Variants in PDLIM5 observed in about 807,000 individuals in gnomAD.
PDLIM5 encodes PDZ and LIM domain protein 5.
A neutral mutation model predicts 64.2 loss-of-function variants in PDLIM5; 34 were observed. The observed-to-expected ratio is 0.53, with a 90% CI of 0.40 to 0.71. PDLIM5 has a LOEUF of 0.71. Among genes scored for constraint, PDLIM5 ranks in the 30% least tolerant of loss-of-function variants. The pLI is 0.00. For missense variants in PDLIM5, 683 were observed against 733.6 expected (o/e 0.93, Z 0.80); for synonymous variants, 253 against 269.1 (o/e 0.94, Z 0.59).
At chr4:94,464,503 G>A (rs1320339712) in intron 2 of PDLIM5, among the ~76,000 whole-genome samples, 3 of 152,206 alleles carry the variant, frequency 2.0e-5, no homozygotes, top group African/African-American at 7.2e-5. Flanking sequence ...TGTTCTGAAA[G>A]TATGTTTGTT....
At chr4:94,559,481 T>G (rs971683281) in intron 3 of PDLIM5, among the ~76,000 whole-genome samples, 1 of 152,204 alleles carries the variant, frequency 6.6e-6, no homozygotes, top group Non-Finnish European at 1.5e-5. Flanking sequence ...CTTGTTTTCA[T>G]TGGAACACTA....
chr4:94,611,203 A>C, intron 7 of PDLIM5: 1 of 1,533,774 alleles, frequency 6.5e-7, no homozygotes, highest in South Asian at 1.2e-5. Context: ...AAAACAAGGT[A>C]CTGTGGGAGC....
chr4:94,586,482 T>G, intron 7 of PDLIM5, 38 bp downstream of exon 7: 4 of 1,244,460 alleles, frequency 3.2e-6, no homozygotes, highest in African/African-American at 1.5e-5. Context: ...AATGTTTTCC[T>G]TTCACGAATG....
chr4:94,608,295 AT>A, intron 7 of PDLIM5: 1 of 514,820 alleles, frequency 1.9e-6, no homozygotes, highest in Admixed American at 3.7e-5. Context: ...TCATTAACCT[AT>A]AGACAAGAAA....
chr4:94,598,990 T>G (rs1323842946), intron 7 of PDLIM5, among the ~76,000 whole-genome samples: 7 of 152,128 alleles, frequency 4.6e-5, no homozygotes, highest in Admixed American at 2.6e-4. Flanking sequence ...TGGGGCATAG[T>G]AAATAAGAGA....
At chr4:94,452,734 G>A (rs374375186) in intron 1 of PDLIM5, among the ~76,000 whole-genome samples, 3 of 152,184 alleles carry the variant, frequency 2.0e-5, no homozygotes, top group Admixed American at 6.5e-5. Context: ...GCGGCGCTGG[G>A]CAGGGCAGAT....
chr4:94,506,184 C>T (rs899180310), intron 2 of PDLIM5, among the ~76,000 whole-genome samples: 8 of 152,246 alleles, frequency 5.3e-5, no homozygotes, highest in African/African-American at 1.9e-4. Context: ...GGAAGTACTG[C>T]TCTGTAAAAC....
intron 7 of PDLIM5, among the ~76,000 whole-genome samples, chr4:94,596,115 A>G (rs1044122242): frequency 6.6e-6 from 1 of 152,200 alleles, no homozygotes; most frequent in Non-Finnish European, 1.5e-5. Context: ...TAATTACTAC[A>G]CTTCAGTTCC....
chr4:94,472,154 A>G (rs748901671), intron 2 of PDLIM5, among the ~76,000 whole-genome samples: 20 of 152,032 alleles, frequency 1.3e-4, no homozygotes, highest in Non-Finnish European at 2.2e-4. Context: ...TTTAATACAC[A>G]CACACACGCG....
At chr4:94,452,823 C>T (rs1486653111) in intron 1 of PDLIM5, among the ~76,000 whole-genome samples, 3 of 152,164 alleles carry the variant, frequency 2.0e-5, no homozygotes, top group African/African-American at 7.2e-5. Flanking sequence ...GCCACGGAAA[C>T]GGCCCGTTCG....
At chr4:94,593,987 T>G (rs1736869279) in intron 7 of PDLIM5, among the ~76,000 whole-genome samples, 1 of 152,146 alleles carries the variant, frequency 6.6e-6, no homozygotes, top group Non-Finnish European at 1.5e-5. Context: ...AGTTACTAAT[T>G]ATATATAATT....
chr4:94,495,298 T>C (rs1253013625), intron 2 of PDLIM5, among the ~76,000 whole-genome samples: 1 of 152,210 alleles, frequency 6.6e-6, no homozygotes, highest in East Asian at 1.9e-4. Flanking sequence ...AAAACACACA[T>C]ATTAAAATTA....
At chr4:94,477,317 C>CA (rs1477451532) in intron 2 of PDLIM5, among the ~76,000 whole-genome samples, 2 of 152,146 alleles carry the variant, frequency 1.3e-5, no homozygotes, top group African/African-American at 2.4e-5. Context: ...TAAAGGTTTT[C>CA]AAGCCAGAGG....
chr4:94,577,502 C>A, intron 5 of PDLIM5: 1 of 346,384 alleles, frequency 2.9e-6, no homozygotes, highest in Non-Finnish European at 5.6e-6. Context: ...AACTAGTATC[C>A]TTCAAAAAAG....
Position 94,585,631 on chromosome 4 carries a change from C to T in PDLIM5, c.777C>T (p.Ala259=). 1.9e-6 allele frequency: 3 copies of T among 1,612,882 alleles called. No homozygotes were observed. The highest frequency in any genetic ancestry group is 2.5e-6 in the Non-Finnish European group (3 of 1,179,342). Residue 259 remains alanine (A), a synonymous_variant, in exon 6 of 13, where the codon GCC becomes GCT. Transcript: ENST00000317968. The part of the protein sequence containing the change: ...EFYHVPTHSD[A]SKKRLIEDTE... ...ATCATGTACCCACTCACAGTGATGCCAGCAAGAAGAGACTGATTGAGGATA... is the reference window on the plus strand; with the variant it reads ...ATCATGTACCCACTCACAGTGATGCTAGCAAGAAGAGACTGATTGAGGATA...
intron 3 of PDLIM5, among the ~76,000 whole-genome samples, chr4:94,550,974 A>G (rs916582771): frequency 5.9e-5 from 9 of 152,134 alleles, no homozygotes; most frequent in Admixed American, 3.3e-4. Context: ...AGCAAAAAGA[A>G]TAAAAGCTTG....
chr4:94,504,906 G>T (rs1355270976), intron 2 of PDLIM5, among the ~76,000 whole-genome samples: 1 of 152,158 alleles, frequency 6.6e-6, no homozygotes, highest in Non-Finnish European at 1.5e-5. Flanking sequence ...TTACTTAGAG[G>T]ATTATTAGAT....
intron 2 of PDLIM5, among the ~76,000 whole-genome samples, chr4:94,463,571 TGG>T (rs1326666466): frequency 1.3e-5 from 2 of 152,056 alleles, no homozygotes; most frequent in Admixed American, 6.5e-5. Flanking sequence ...GAGGAAGGGT[TGG>T]TCTTGCTGTC....
chr4:94,666,515 T>A lies in PDLIM5; in HGVS notation c.*2448T>A. On this transcript the variant is annotated 3_prime_UTR_variant, in exon 13 of 13. Coordinates refer to ENST00000317968, the MANE Select transcript of PDLIM5 (RefSeq NM_006457.5). ...TCATATAATGTACACTGTCACATCTTTACAGTCTTGTATGTTATAGAATAC... is the reference window on the plus strand; with the variant it reads ...TCATATAATGTACACTGTCACATCTATACAGTCTTGTATGTTATAGAATAC... 6.5e-6 allele frequency: 1 copy of A among 153,818 alleles called. No individual in the cohort carries two copies. The highest frequency in any genetic ancestry group is 1.9e-4 in the East Asian group (1 of 5,204). The allele number at this position is 153,818 out of a possible 1,614,324, so 9.5% of individuals were successfully genotyped here. A position where few individuals can be genotyped will look rare whatever the true frequency, so the allele number is the denominator to read the frequency against.
Sources: allele counts gnomAD v4.1 joint callset (sites outside exome capture counted in the v4.1 genomes callset), GRCh38; gene constraint gnomAD v4.1.1; transcripts MANE v1.5; gene names NCBI Gene and HGNC (gene_info 2026-07-23, HGNC 2026-07-21).